The following FMC1 variants were observed in gnomAD, a reference collection of about 807,000 sequenced individuals.
The protein encoded by FMC1 is protein FMC1 homolog.
FMC1 carries 6 observed loss-of-function variants against 10.5 expected under a neutral mutation model. That is an observed-to-expected ratio of 0.57 (90% CI 0.31 to 1.12). The LOEUF (loss-of-function observed/expected upper bound fraction) is 1.12, where lower values mean the gene tolerates loss of function less well. Ranked by LOEUF, FMC1 falls within the 50% of genes most tolerant of loss-of-function variation. FMC1 has a pLI of 0.05. For synonymous variants in FMC1, 59 were observed against 62.1 expected (o/e 0.95, Z 0.24); for missense variants, 146 against 151.7 (o/e 0.96, Z 0.20).
At chr7:139,341,277 G>C (rs899659238), upstream of FMC1, 2 of 1,490,562 alleles carry the variant, frequency 1.3e-6, no homozygotes, top group Non-Finnish European at 1.8e-6. Flanking sequence ...CAGTCGATAG[G>C]GGGAGTCGGT....
At chr7:139,342,477 T>TG (rs1000585773) in intron 1 of FMC1, among the ~76,000 whole-genome samples, 1 of 152,028 alleles carries the variant, frequency 6.6e-6, no homozygotes, top group African/African-American at 2.4e-5. Flanking sequence ...TGGAGGTAGA[T>TG]GAAGTGGTAG....
intron 1 of FMC1, among the ~76,000 whole-genome samples, chr7:139,344,359 C>T (rs1214479291): frequency 4.6e-5 from 7 of 152,070 alleles, no homozygotes. Flanking sequence ...GTAGTATTTG[C>T]AATATAACCT....
chr7:139,343,490 C>T (rs180834114), intron 1 of FMC1, among the ~76,000 whole-genome samples: 2 of 152,258 alleles, frequency 1.3e-5, no homozygotes, highest in East Asian at 3.9e-4. Flanking sequence ...GTGAGAGGAT[C>T]ACTTGAGCCC....
chr7:139,341,228 G>T (rs1454764631), upstream of FMC1: 6 of 1,328,794 alleles, frequency 4.5e-6, no homozygotes, highest in Admixed American at 1.1e-4. Flanking sequence ...CGATTAATAA[G>T]GTTCGGTCAA....
At chr7:139,344,291 C>A (rs1466347238) in intron 1 of FMC1, among the ~76,000 whole-genome samples, 2 of 152,124 alleles carry the variant, frequency 1.3e-5, no homozygotes, top group Non-Finnish European at 2.9e-5. Flanking sequence ...GGACACCCCC[C>A]ACCCCCACTC....
Position 139,345,614 on chromosome 7 carries a change from T to C in FMC1, c.252T>C (p.His84=). 6.2e-7 allele frequency: 1 copy of C among 1,614,138 alleles called. No individual in the cohort carries two copies. The highest frequency in any genetic ancestry group is 8.5e-7 in the Non-Finnish European group (1 of 1,180,036). ...RKHVALHQEF[H]GKGERSVEES... is the part of the protein sequence containing the mutation. ...ATGTGGCCCTACATCAGGAATTTCA[T>C]GGCAAGGGTGAGCGCTCGGTGGAGG... The change falls in exon 2 of 2, where the codon CAT becomes CAC. Residue 84 remains histidine, a synonymous_variant. Coordinates refer to ENST00000297534, the MANE Select transcript of FMC1 (RefSeq NM_197964.5).
Position 139,345,568 on chromosome 7 carries a change from T to C in FMC1, c.206T>C (p.Leu69Pro), listed in dbSNP as rs1169026538. The C allele has an allele frequency of 6.2e-7, 1 of 1,614,178 alleles. No individual in the cohort carries two copies. Among genetic ancestry groups the C allele is most frequent in the Non-Finnish European group, 8.5e-7 (1 of 1,180,040 alleles). Reference sequence around the variant, plus strand: ...TTCCAAGCTGCCACCTATCTCTGCCTCCTGCGTAGCATCCGGAAACATGTG... The same window carrying C: ...TTCCAAGCTGCCACCTATCTCTGCCCCCTGCGTAGCATCCGGAAACATGTG... ...LHFQAATYLCLLRSIRKHVAL... is the reference protein window; with the variant it reads ...LHFQAATYLCPLRSIRKHVAL... The change falls in exon 2 of 2, where the codon CTC (leucine) becomes CCC (proline). Residue 69 changes from leucine (L) to proline (P), a missense_variant. Leu to Pro is a moderately conservative substitution (Grantham distance 98, BLOSUM62 -3). Coordinates refer to ENST00000297534, the MANE Select transcript of FMC1 (RefSeq NM_197964.5).
Position 139,345,588 on chromosome 7 carries a change from CAT to C in FMC1, c.227_228del (p.His76ArgfsTer12). ...CTGCCTCCTGCGTAGCATCCGGAAACATGTGGCCCTACATCAGGAATTTCATG... is the reference window on the plus strand; with the variant it reads ...CTGCCTCCTGCGTAGCATCCGGAAACGTGGCCCTACATCAGGAATTTCATG... ...YLCLLRSIRKHVALHQEFHGK... is the reference protein window; with the variant it reads ...YLCLLRSIRKXVALHQEFHGK... On this transcript the variant is annotated frameshift_variant, in exon 2 of 2. Transcript: ENST00000297534. LOFTEE classifies it high-confidence loss of function. 4 of 1,614,150 alleles carry C rather than the reference CAT, an allele frequency of 2.5e-6. No individual in the cohort carries two copies. The highest frequency in any genetic ancestry group is 2.5e-6 in the Non-Finnish European group (3 of 1,180,036).
chr7:139,340,789 C>CT (rs143685040), upstream of FMC1, among the ~76,000 whole-genome samples: 8,454 of 151,724 alleles, frequency 0.056, 328 homozygotes, highest in Non-Finnish European at 0.085. Flanking sequence ...GACTTTTGTC[C>CT]TTTTTTCCCC....
At chr7:139,344,597 T>C (rs987765959) in intron 1 of FMC1, among the ~76,000 whole-genome samples, 2 of 152,026 alleles carry the variant, frequency 1.3e-5, no homozygotes, top group Non-Finnish European at 2.9e-5. Flanking sequence ...TAATAAGTAA[T>C]ATGAACATAA....
chr7:139,344,061 C>T (rs1006674265), intron 1 of FMC1, among the ~76,000 whole-genome samples: 3 of 152,112 alleles, frequency 2.0e-5, no homozygotes, highest in African/African-American at 7.2e-5. Context: ...CTTTCCTGCC[C>T]CTTTCTCACA....
chr7:139,345,877 A>T lies in FMC1; in HGVS notation c.*173A>T. On this transcript the variant is annotated 3_prime_UTR_variant, in exon 2 of 2. Coordinates refer to ENST00000297534, the MANE Select transcript of FMC1 (RefSeq NM_197964.5). ...TCTTTACTCTCAGTGAATTTACTGA[A>T]CTTTTTGCACTAGACTGATGTTGTT... 1 of 702,604 alleles carries T rather than the reference A, an allele frequency of 1.4e-6. No homozygotes were observed. Among genetic ancestry groups the T allele is most frequent in the Non-Finnish European group, 2.2e-6 (1 of 463,906 alleles). The allele number at this position is 702,604 out of a possible 1,614,324, so 43.5% of individuals were successfully genotyped here.
chr7:139,340,740 C>T (rs1798899522), upstream of FMC1: 1 of 380,778 alleles, frequency 2.6e-6, no homozygotes, highest in Non-Finnish European at 4.6e-6. Flanking sequence ...CCTCCTAAGC[C>T]AGGGATTGTG....
Position 139,345,887 on chromosome 7 carries a change from C to G in FMC1, c.*183C>G. 2 of 659,038 alleles carry G rather than the reference C, an allele frequency of 3.0e-6. No homozygotes were observed. Among genetic ancestry groups the G allele is most frequent in the Non-Finnish European group, 4.6e-6 (2 of 430,202 alleles). The allele number at this position is 659,038 out of a possible 1,614,324, so 40.8% of individuals were successfully genotyped here. A position where few individuals can be genotyped will look rare whatever the true frequency, so the allele number is the denominator to read the frequency against. On this transcript the variant is annotated 3_prime_UTR_variant, in exon 2 of 2. Transcript: ENST00000297534. ...CAGTGAATTTACTGAACTTTTTGCA[C>G]TAGACTGATGTTGTTTTTCTACTTA...
At chr7:139,344,685 A>G (rs993463898) in intron 1 of FMC1, among the ~76,000 whole-genome samples, 11 of 144,026 alleles carry the variant, frequency 7.6e-5, no homozygotes, top group Admixed American at 4.1e-4. Flanking sequence ...AAAAGTTTTC[A>G]ATTTTCTTTC....
chr7:139,341,923 C>A (rs1002427465), intron 1 of FMC1, among the ~76,000 whole-genome samples: 1 of 152,194 alleles, frequency 6.6e-6, no homozygotes, highest in African/African-American at 2.4e-5. Context: ...ATCTGGCCAA[C>A]AATTTCCTCA....
intron 1 of FMC1, among the ~76,000 whole-genome samples, chr7:139,342,825 A>C (rs1304036940): frequency 6.6e-6 from 1 of 152,128 alleles, no homozygotes; most frequent in Non-Finnish European, 1.5e-5. Flanking sequence ...TAACATTATT[A>C]CCCTTGAGAG....
rs1563248621 is a variant in FMC1 at position 139,345,635 on chromosome 7, G to A, written c.273G>A (p.Val91=). 1 of 1,614,174 alleles carries A rather than the reference G, an allele frequency of 6.2e-7. No individual in the cohort carries two copies. The highest frequency in any genetic ancestry group is 8.5e-7 in the Non-Finnish European group (1 of 1,180,028). The change falls in exon 2 of 2, where the codon GTG becomes GTA. Residue 91 remains valine, a synonymous_variant. Transcript: ENST00000297534. ...TTCATGGCAAGGGTGAGCGCTCGGT[G>A]GAGGAGTCTGCTGGCTTGGTGGGTC... ...QEFHGKGERS[V]EESAGLVGLK... is the part of the protein sequence containing the mutation.
At chr7:139,342,079 T>C (rs1799007724) in intron 1 of FMC1, among the ~76,000 whole-genome samples, 1 of 152,140 alleles carries the variant, frequency 6.6e-6, no homozygotes, top group Admixed American at 6.5e-5. Flanking sequence ...GCCACGGACG[T>C]CAGAATGTAA....
Sources: gnomAD v4.1 joint callset for allele counts (sites outside exome capture counted in the v4.1 genomes callset) on GRCh38, gnomAD v4.1.1 for gene constraint, MANE v1.5 for transcripts, NCBI Gene and HGNC (gene_info 2026-07-23, HGNC 2026-07-21) for gene names.